WIPI2: variants seen among roughly 807,000 people sequenced by gnomAD.
WIPI2 encodes the protein WD repeat domain phosphoinositide-interacting protein 2.
Under a neutral mutation model 52.3 loss-of-function variants are expected in WIPI2, and 28 were observed. That is an observed-to-expected ratio of 0.54 (90% CI 0.40 to 0.73). The LOEUF (loss-of-function observed/expected upper bound fraction) is 0.73. WIPI2 is among the 30% of genes least tolerant of loss of function. The probability of loss-of-function intolerance (pLI) is 0.00; values close to 1 mark genes in which losing one functional copy is unlikely to be tolerated. For missense variants in WIPI2, 506 were observed against 602.9 expected (o/e 0.84, Z 1.68); for synonymous variants, 268 against 245.0 (o/e 1.09, Z -0.88).
intron 7 of WIPI2, chr7:5,218,365 C>A (rs1583577481): frequency 9.9e-6 from 2 of 202,916 alleles, no homozygotes; most frequent in African/African-American, 2.3e-5. Flanking sequence ...TGTGAAAAAG[C>A]AAAGACAGAA....
chr7:5,227,010 T>A lies in WIPI2; in HGVS notation c.849-170T>A. On this transcript the variant is annotated intron_variant, in intron 9 of 12. Transcript: ENST00000288828. The surrounding 1 kb of genome is among the most constrained non-coding windows in gnomAD (Gnocchi z 8.1). Reference sequence around the variant, plus strand: ...CCGACACCTCCCAGAGGAAGCTCCGTGATGCCCCTGGGGCCCTGAGTGTCT... The same window carrying A: ...CCGACACCTCCCAGAGGAAGCTCCGAGATGCCCCTGGGGCCCTGAGTGTCT... 2.3e-6 allele frequency: 2 copies of A among 855,550 alleles called. No individual in the cohort carries two copies. The highest frequency in any genetic ancestry group is 3.4e-5 in the African/African-American group (2 of 59,040). The allele number at this position is 855,550 out of a possible 1,614,324, so 53.0% of individuals were successfully genotyped here. A position where few individuals can be genotyped will look rare whatever the true frequency, so the allele number is the denominator to read the frequency against.
chr7:5,199,492 C>G (rs1358409409), intron 2 of WIPI2, 84 bp from the exon 3 acceptor site: 1 of 1,224,496 alleles, frequency 8.2e-7, no homozygotes, highest in Non-Finnish European at 1.2e-6. Flanking sequence ...TTGCTGGGAA[C>G]TCGCTGGGAA....
At chr7:5,216,474 C>T in intron 4 of WIPI2, 89 bp from the exon 5 acceptor site, 1 of 998,726 alleles carries the variant, frequency 1.0e-6, no homozygotes. Context: ...ATGAGAGCGT[C>T]ATAGTCCAGG....
intron 9 of WIPI2, chr7:5,226,941 G>A: frequency 1.9e-6 from 1 of 531,860 alleles, no homozygotes; most frequent in Non-Finnish European, 3.3e-6. Flanking sequence ...TCTTGTCCGT[G>A]GCCAAAGGCT....
chr7:5,200,622 T>C (rs1340989325), intron 3 of WIPI2, among the ~76,000 whole-genome samples: 2 of 152,154 alleles, frequency 1.3e-5, no homozygotes, highest in Non-Finnish European at 2.9e-5. Context: ...GGTGCCATCT[T>C]GGCTCACCGC....
chr7:5,229,098 C>T (rs1236169938), intron 11 of WIPI2, among the ~76,000 whole-genome samples: 2 of 152,172 alleles, frequency 1.3e-5, no homozygotes, highest in Non-Finnish European at 2.9e-5. Flanking sequence ...TCACTGCAAT[C>T]TCCGCCTCCC....
Position 5,227,045 on chromosome 7 carries a change from C to G in WIPI2, c.849-135C>G. 1 of 1,278,094 alleles carries G rather than the reference C, an allele frequency of 7.8e-7. No individual in the cohort carries two copies. Among genetic ancestry groups the G allele is most frequent in the Non-Finnish European group, 1.1e-6 (1 of 924,794 alleles). The allele number at this position is 1,278,094 out of a possible 1,614,324, so 79.2% of individuals were successfully genotyped here. Reference sequence around the variant, plus strand: ...GGGGCCCTGAGTGTCTGCTTATAACCAACCCTGTTTAATTTTCCTGTGAAG... The same window carrying G: ...GGGGCCCTGAGTGTCTGCTTATAACGAACCCTGTTTAATTTTCCTGTGAAG... On this transcript the variant is annotated intron_variant, in intron 9 of 12. Transcript: ENST00000288828. The surrounding 1 kb of genome is among the most constrained non-coding windows in gnomAD (Gnocchi z 8.1).
At chr7:5,211,317 C>G (rs1428235048) in intron 3 of WIPI2, among the ~76,000 whole-genome samples, 1 of 152,082 alleles carries the variant, frequency 6.6e-6, no homozygotes, top group Non-Finnish European at 1.5e-5. Context: ...ACTAAAAATA[C>G]AAAAATTAGG....
rs1009762650 is a variant in WIPI2 at position 5,232,262 on chromosome 7, G to A, written c.*1315G>A. 3 of 398,676 alleles carry A rather than the reference G, an allele frequency of 7.5e-6. No individual in the cohort carries two copies. Among genetic ancestry groups the A allele is most frequent in the South Asian group, 1.3e-4 (1 of 7,862 alleles). 24.7% of individuals were successfully genotyped at this position (398,676 alleles called of 1,614,324 possible). ...TTTTTGAACCGAGGAAGGCTGGGAC[G>A]CCTGTTTCCAGATGGTTGTCATGGT... On this transcript the variant is annotated 3_prime_UTR_variant, in exon 13 of 13. Coordinates refer to ENST00000288828, the MANE Select transcript of WIPI2 (RefSeq NM_015610.4).
In WIPI2 at chr7:5,191,147, G is replaced by C. The variant is rs991859236; in HGVS notation, c.74+654G>C. ...CGATTCTCCTGCCTCAGCCTCCCGA[G>C]TAGCTGAGACTACAGGCACGCGCCA... On this transcript the variant is annotated intron_variant, in intron 1 of 12. Coordinates refer to ENST00000288828, the MANE Select transcript of WIPI2 (RefSeq NM_015610.4). 2.6e-5 allele frequency among the ~76,000 whole-genome samples: 4 copies of C among 152,160 alleles called. No individual in the cohort carries two copies. In the East Asian group the frequency reaches 7.8e-4, roughly 30 times the overall value.
chr7:5,217,030 C>A, intron 5 of WIPI2, 60 bp from the exon 6 acceptor site: 2 of 1,483,108 alleles, frequency 1.3e-6, no homozygotes, highest in Non-Finnish European at 1.9e-6. Context: ...TTATGTCTGA[C>A]ATCCAAGAAG....
Position 5,227,399 on chromosome 7 carries a change from C to G in WIPI2, c.1013+55C>G, listed in dbSNP as rs890278181. 1 of 1,588,476 alleles carries G rather than the reference C, an allele frequency of 6.3e-7. No homozygotes were observed. The highest frequency in any genetic ancestry group is 1.7e-5 in the Admixed American group (1 of 58,330). On this transcript the variant is annotated intron_variant, in intron 10 of 12. Transcript: ENST00000288828. The surrounding 1 kb of genome is among the most constrained non-coding windows in gnomAD (Gnocchi z 8.1). Reference sequence around the variant, plus strand: ...CCCCGTGTGCCTCAGGCCGAGGGGCCCAGTCCTGGCGGCTTGTGGCCCCTT... The same window carrying G: ...CCCCGTGTGCCTCAGGCCGAGGGGCGCAGTCCTGGCGGCTTGTGGCCCCTT...
intron 8 of WIPI2, among the ~76,000 whole-genome samples, chr7:5,224,893 T>A (rs1405791102): frequency 6.6e-6 from 1 of 152,124 alleles, no homozygotes; most frequent in Non-Finnish European, 1.5e-5. Context: ...GCAAAGGCGG[T>A]TTCGTTTGCA....
chr7:5,222,203 C>A (rs952018101), intron 7 of WIPI2, among the ~76,000 whole-genome samples: 36 of 152,206 alleles, frequency 2.4e-4, no homozygotes, highest in African/African-American at 8.7e-4. Flanking sequence ...CCCGCCTCGG[C>A]CTCCCAAAGT....
At chr7:5,229,512 G>T (rs556970992) in intron 11 of WIPI2, 96 bp from the exon 12 acceptor site, 3 of 1,458,706 alleles carry the variant, frequency 2.1e-6, no homozygotes, top group African/African-American at 2.8e-5. Flanking sequence ...GTGGTGAGTG[G>T]TGTGCTGGCT....
At chr7:5,198,616 C>T (rs926898374) in intron 2 of WIPI2, among the ~76,000 whole-genome samples, 4 of 151,892 alleles carry the variant, frequency 2.6e-5, no homozygotes, top group African/African-American at 9.7e-5. Flanking sequence ...ACCTGGCCAG[C>T]TTACTTAACT....
intron 2 of WIPI2, among the ~76,000 whole-genome samples, chr7:5,198,828 A>T (rs1252969798): frequency 1.3e-5 from 2 of 152,222 alleles, no homozygotes; most frequent in Non-Finnish European, 2.9e-5. Flanking sequence ...GAAGGTATAC[A>T]GTGTGATGTT....
At chr7:5,192,968 T>C (rs749577129) in intron 1 of WIPI2, 150 bp from the exon 2 acceptor site, 3 of 687,246 alleles carry the variant, frequency 4.4e-6, no homozygotes, top group African/African-American at 1.8e-5. Flanking sequence ...TTGTATTTGT[T>C]ACATACCAAA....
chr7:5,225,180 G>A (rs965221234), intron 8 of WIPI2, among the ~76,000 whole-genome samples: 12 of 150,342 alleles, frequency 8.0e-5, no homozygotes, highest in African/African-American at 4.9e-5. Flanking sequence ...TCACTCTGTC[G>A]CCCAGGCTGG....
Sources: allele counts gnomAD v4.1 joint callset (sites outside exome capture counted in the v4.1 genomes callset), GRCh38; gene constraint gnomAD v4.1.1; non-coding constraint Gnocchi (gnomAD v3.1); transcripts MANE v1.5; gene names NCBI Gene and HGNC (gene_info 2026-07-23, HGNC 2026-07-21).